The following GPHN variants were observed in gnomAD, a reference collection of about 807,000 sequenced individuals.
GPHN encodes gephyrin.
A neutral mutation model predicts 95.5 loss-of-function variants in GPHN; 17 were observed. That is an observed-to-expected ratio of 0.18 (90% CI 0.12 to 0.27). GPHN has a LOEUF of 0.27. GPHN is among the 10% of genes least tolerant of loss of function. The probability of loss-of-function intolerance (pLI) is 1.00; values close to 1 mark genes in which losing one functional copy is unlikely to be tolerated. For synonymous variants in GPHN, 320 were observed against 322.5 expected, an observed-to-expected ratio of 0.99 and a Z score of 0.08; for missense variants, 660 against 978.1, an observed-to-expected ratio of 0.67 and a Z score of 4.34.
At chr14:67,675,009 G>T in the GPHN span, among the ~76,000 whole-genome samples, 2 of 152,210 alleles carry the variant, frequency 1.3e-5, no homozygotes, top group African/African-American at 4.8e-5. Context: ...GCGACAGCGG[G>T]CTTCGGCCCG....
the GPHN span, chr14:67,590,160 G>A: frequency 9.7e-6 from 15 of 1,550,500 alleles, no homozygotes; most frequent in Admixed American, 5.9e-5. Flanking sequence ...CAGTCCAGCC[G>A]GGGCTTGGCA....
intron 1 of GPHN, among the ~76,000 whole-genome samples, chr14:66,645,763 A>T (rs1217177728): frequency 2.0e-5 from 3 of 151,850 alleles, no homozygotes; most frequent in Admixed American, 6.6e-5. Context: ...TATTTATAAC[A>T]ATTTTATTTT....
intron 1 of GPHN, among the ~76,000 whole-genome samples, chr14:66,517,563 A>G (rs2058299368): frequency 6.6e-6 from 1 of 152,242 alleles, no homozygotes; most frequent in African/African-American, 2.4e-5. Flanking sequence ...GATAGTAACC[A>G]AAACAGCATG....
At chr14:66,739,834 T>G (rs2072642168) in intron 2 of GPHN, among the ~76,000 whole-genome samples, 1 of 151,898 alleles carries the variant, frequency 6.6e-6, no homozygotes, top group Non-Finnish European at 1.5e-5. Flanking sequence ...ACAACTATGC[T>G]TACTTAATAT....
chr14:67,306,265 C>T, the GPHN span, among the ~76,000 whole-genome samples: 22,608 of 151,890 alleles, frequency 0.15, 3,138 homozygotes, highest in East Asian at 0.41. Flanking sequence ...CCACCGAACC[C>T]GGCCTATTTT....
intron 10 of GPHN, among the ~76,000 whole-genome samples, chr14:67,057,021 G>A (rs1047651978): frequency 4.6e-5 from 7 of 151,826 alleles, no homozygotes; most frequent in African/African-American, 1.7e-4. Context: ...GTGCTGGCCC[G>A]CAAGTGCCAC....
At chr14:66,739,851 CAAAAT>C (rs2072643940) in intron 2 of GPHN, among the ~76,000 whole-genome samples, 1 of 151,448 alleles carries the variant, frequency 6.6e-6, no homozygotes, top group African/African-American at 2.4e-5. Context: ...ATATGTTAAA[CAAAAT>C]AAAACTAAAA....
chr14:67,230,214 A>G, the GPHN span, among the ~76,000 whole-genome samples: 15 of 152,162 alleles, frequency 9.9e-5, no homozygotes, highest in Non-Finnish European at 1.5e-5. Flanking sequence ...TAGCAACACA[A>G]TCCTTCAAAA....
chr14:66,756,344 G>A (rs1476554164), intron 2 of GPHN, among the ~76,000 whole-genome samples: 1 of 151,692 alleles, frequency 6.6e-6, no homozygotes, highest in African/African-American at 2.4e-5. Flanking sequence ...ATCCTGTGAG[G>A]CATATGATGA....
rs1040381969 is a variant in GPHN at position 66,944,945 on chromosome 14, G to T, written c.829-20246G>T. Among the ~76,000 whole-genome samples the T allele has an allele frequency of 5.9e-5, 9 of 152,232 alleles. 1 individual carries two copies. ...GTGGTCCATCTTGCGCATGCCTGCA[G>T]CTGTTGGGATGAGGTGGTGCACAGT... is the stretch of plus-strand genomic sequence containing the variant. On this transcript the variant is annotated intron_variant, in intron 8 of 22. Coordinates refer to ENST00000478722, the MANE Select transcript of GPHN (RefSeq NM_020806.5).
At chr14:67,605,836 C>G in the GPHN span, among the ~76,000 whole-genome samples, 4 of 151,960 alleles carry the variant, frequency 2.6e-5, no homozygotes, top group African/African-American at 9.7e-5. Flanking sequence ...GTGCGCACCC[C>G]CATGTCTGGC....
chr14:67,087,317 A>G (rs1446225823), intron 11 of GPHN, among the ~76,000 whole-genome samples: 1 of 152,188 alleles, frequency 6.6e-6, no homozygotes, highest in African/African-American at 2.4e-5. Flanking sequence ...CCCCAGTGCC[A>G]GGACAAACTA....
chr14:66,578,906 G>T (rs1051394850), intron 1 of GPHN, among the ~76,000 whole-genome samples: 8 of 151,842 alleles, frequency 5.3e-5, no homozygotes, highest in African/African-American at 1.9e-4. Flanking sequence ...GTGAAAGTAA[G>T]TATGTAGTCA....
At chr14:66,752,495 A>C (rs1159874156) in intron 2 of GPHN, among the ~76,000 whole-genome samples, 1 of 152,098 alleles carries the variant, frequency 6.6e-6, no homozygotes, top group African/African-American at 2.4e-5. Flanking sequence ...ACCCAAGAAG[A>C]GGGAGAGAGA....
chr14:67,333,899 A>C, the GPHN span: 1 of 152,610 alleles, frequency 6.6e-6, no homozygotes, highest in Admixed American at 6.5e-5. Context: ...ATTTTTATGT[A>C]TGAGCACAGT....
the GPHN span, among the ~76,000 whole-genome samples, chr14:67,545,946 A>T: frequency 8.9e-6 from 1 of 112,406 alleles, no homozygotes; most frequent in African/African-American, 3.2e-5. Context: ...CTCTGCTGCT[A>T]AAAAAAAAAA....
intron 3 of GPHN, among the ~76,000 whole-genome samples, chr14:66,778,850 C>G (rs1043797701): frequency 1.2e-4 from 18 of 150,112 alleles, no homozygotes; most frequent in African/African-American, 4.2e-4. Flanking sequence ...ATTTTCCTGC[C>G]TCAGCCTCCC....
intron 1 of GPHN, among the ~76,000 whole-genome samples, chr14:66,551,973 C>G (rs149118495): frequency 7.0e-4 from 107 of 152,292 alleles, no homozygotes; most frequent in Admixed American, 6.6e-3. Context: ...TATCAGCACC[C>G]CTTCATGCCC....
At chr14:67,160,956 C>T (rs2081939520) in intron 19 of GPHN, among the ~76,000 whole-genome samples, 2 of 152,118 alleles carry the variant, frequency 1.3e-5, no homozygotes, top group South Asian at 4.1e-4. Flanking sequence ...TGAGCATGCC[C>T]CAATATGGCT....
Sources: gnomAD v4.1 joint callset for allele counts (sites outside exome capture counted in the v4.1 genomes callset) on GRCh38, gnomAD v4.1.1 for gene constraint, MANE v1.5 for transcripts, NCBI Gene and HGNC (gene_info 2026-07-23, HGNC 2026-07-21) for gene names.